The following MDN1 variants were observed in gnomAD, a reference collection of about 807,000 sequenced individuals.
MDN1 encodes the protein midasin AAA ATPase 1.
MDN1 carries 266 observed loss-of-function variants against 669.2 expected under a neutral mutation model. The ratio of observed to expected loss-of-function variants is 0.40; its 90% CI spans 0.36 to 0.44. The LOEUF is 0.44. Among genes scored for constraint, MDN1 ranks in the 20% least tolerant of loss-of-function variants. The probability of loss-of-function intolerance (pLI) is 1.00; values close to 1 mark genes in which losing one functional copy is unlikely to be tolerated. For synonymous variants in MDN1, 2,385 were observed against 2,457.1 expected, an observed-to-expected ratio of 0.97 and a Z score of 0.87; for missense variants, 5,940 against 6,754.0, an observed-to-expected ratio of 0.88 and a Z score of 4.22.
At chr6:89,763,349 A>AAC (rs1554194099) in intron 15 of MDN1, among the ~76,000 whole-genome samples, 11 of 139,308 alleles carry the variant, frequency 7.9e-5, no homozygotes, top group African/African-American at 1.1e-4. Flanking sequence ...AAAAAAAAAA[A>AAC]AAAAAAAATC....
chr6:89,665,573 G>C (rs907324911), intron 84 of MDN1, among the ~76,000 whole-genome samples: 1 of 151,492 alleles, frequency 6.6e-6, no homozygotes, highest in African/African-American at 2.4e-5. Flanking sequence ...CAGGCGTGGT[G>C]GTGGGGGCCT....
intron 46 of MDN1, among the ~76,000 whole-genome samples, 199 bp downstream of exon 46, chr6:89,714,344 A>C (rs1814180398): frequency 6.6e-6 from 1 of 152,204 alleles, no homozygotes; most frequent in South Asian, 2.1e-4. Context: ...AGCGTCTTTC[A>C]GATACTGATT....
Position 89,819,673 on chromosome 6 carries a change from G to A in MDN1, c.-66C>T, listed in dbSNP as rs1769128959. On this transcript the variant is annotated 5_prime_UTR_variant, in exon 1 of 102. Coordinates refer to ENST00000369393, the MANE Select transcript of MDN1 (RefSeq NM_014611.3). ...ACTTCGCGGCCAGCGTCCCCAAGCCGCCGAGGTCCCAGTGCCCGAGCAGCC... is the reference window on the plus strand; with the variant it reads ...ACTTCGCGGCCAGCGTCCCCAAGCCACCGAGGTCCCAGTGCCCGAGCAGCC... 11 of 1,378,920 alleles carry A rather than the reference G, an allele frequency of 8.0e-6. No homozygotes were observed. The South Asian group carries it at 8.1e-5, about 10-fold the overall frequency. 85.4% of individuals were successfully genotyped at this position (1,378,920 alleles called of 1,614,324 possible).
At chr6:89,769,533 G>GT (rs2128322262) in intron 15 of MDN1, among the ~76,000 whole-genome samples, 1 of 152,248 alleles carries the variant, frequency 6.6e-6, no homozygotes, top group Non-Finnish European at 1.5e-5. Flanking sequence ...GTCTTGCTTT[G>GT]TCATCCCAGC....
intron 19 of MDN1, among the ~76,000 whole-genome samples, chr6:89,757,678 A>C (rs762474275): frequency 6.6e-6 from 1 of 152,228 alleles, no homozygotes; most frequent in Non-Finnish European, 1.5e-5. Context: ...TGGGAGGTCG[A>C]GGCAGGCAGA....
At chr6:89,804,432 G>A (rs1397007020) in intron 1 of MDN1, among the ~76,000 whole-genome samples, 1 of 152,006 alleles carries the variant, frequency 6.6e-6, no homozygotes, top group Non-Finnish European at 1.5e-5. Flanking sequence ...ACTAATACCT[G>A]GATTCCATTT....
Position 89,743,603 on chromosome 6 carries a change from C to T in MDN1, c.4290G>A (p.Arg1430=). Residue 1430 remains arginine (R), a synonymous_variant, in exon 30 of 102, where the codon CGG becomes CGA. Coordinates refer to ENST00000369393, the MANE Select transcript of MDN1 (RefSeq NM_014611.3). ...TGTCGTTTGGCTTTTGTCTCACTGG[C>T]CGCAGGCCACCCAGGAAGTCTGATG... ...METSDFLGGL[R]PVRQKPNDKE... 6.2e-7 allele frequency: 1 copy of T among 1,614,004 alleles called. No individual in the cohort carries two copies. Among genetic ancestry groups the T allele is most frequent in the South Asian group, 1.1e-5 (1 of 91,042 alleles).
intron 66 of MDN1, 102 bp downstream of exon 66, chr6:89,688,471 A>G: frequency 2.0e-6 from 2 of 1,000,438 alleles, no homozygotes; most frequent in South Asian, 1.7e-5. Flanking sequence ...CTTTGTTTAT[A>G]TGTATATATG....
At position 89,644,200 on chromosome 6, in the gene MDN1, A is replaced by G. The variant is rs546520419; in HGVS notation, c.16603-7T>C. ...TAATGTCCAAGATAGAATCCTGTCA[A>G]CAAAAGACATTTTGAAATGGGGAGG... is the stretch of plus-strand genomic sequence containing the variant. On this transcript the variant is annotated splice_region_variant and splice_polypyrimidine_tract_variant and intron_variant, in intron 101 of 101. Coordinates refer to ENST00000369393, the MANE Select transcript of MDN1 (RefSeq NM_014611.3). 6 of 1,599,428 alleles carry G rather than the reference A, an allele frequency of 3.8e-6. No homozygotes were observed. The Admixed American group carries it at 1.0e-4, about 28-fold the overall frequency.
At chr6:89,652,431 C>A (rs768578846) in intron 94 of MDN1, 150 bp from the exon 95 acceptor site, 8 of 650,716 alleles carry the variant, frequency 1.2e-5, no homozygotes, top group Non-Finnish European at 1.9e-5. Flanking sequence ...TACAGTGGCA[C>A]AATGAGAAGA....
At chr6:89,692,053 G>GGTA (rs995646054) in intron 63 of MDN1, among the ~76,000 whole-genome samples, 29 of 152,210 alleles carry the variant, frequency 1.9e-4, no homozygotes, top group Admixed American at 6.5e-4. Flanking sequence ...AGCTTTAAGT[G>GGTA]GTAGGATCAT....
In MDN1 at chr6:89,690,853, G is replaced by GA. The variant is rs768435334; in HGVS notation, c.10588-20dup. ...TGATTTCCTGAAAGTCACACAGACA[G>GA]AAAGAAGCTGAGCTTTCTTTGCTGA... On this transcript the variant is annotated intron_variant, in intron 63 of 101. Coordinates refer to ENST00000369393, the MANE Select transcript of MDN1 (RefSeq NM_014611.3). 3.1e-6 allele frequency: 5 copies of GA among 1,611,248 alleles called. No homozygotes were observed. The South Asian group carries it at 4.4e-5, about 14-fold the overall frequency.
At position 89,723,122 on chromosome 6, in the gene MDN1, C is replaced by T; in HGVS notation, c.5800G>A (p.Glu1934Lys). 1 of 1,614,060 alleles carries T rather than the reference C, an allele frequency of 6.2e-7. No homozygotes were observed. The highest frequency in any genetic ancestry group is 8.5e-7 in the Non-Finnish European group (1 of 1,179,960). The change falls in exon 40 of 102, where the codon GAG (glutamate) becomes AAG (lysine). Residue 1934 changes from glutamate to lysine, a missense_variant. Glu to Lys is a moderately conservative substitution (Grantham distance 56). This residue lies in a region of MDN1 where 2,292 missense variants were observed against 2,638.3 expected (regional missense o/e 0.87). Transcript: ENST00000369393. ...CCTCCTTTTTGCCCCCATTTCTTCT[C>T]AACAGTCACTTCATGATCAATCTAG... ...NNQIDHEVTV[E>K]KKWGQKGGPW...
chr6:89,658,076 A>G (rs904840333), intron 90 of MDN1, 133 bp downstream of exon 90: 1 of 1,022,888 alleles, frequency 9.8e-7, no homozygotes, highest in African/African-American at 1.6e-5. Flanking sequence ...GTGGTCTGTT[A>G]GATGTCAACA....
intron 84 of MDN1, among the ~76,000 whole-genome samples, chr6:89,665,554 A>C (rs1351914241): frequency 2.0e-5 from 3 of 150,568 alleles, no homozygotes; most frequent in Non-Finnish European, 4.4e-5. Context: ...TACATATACA[A>C]AAATTAGCCA....
At chr6:89,706,618 G>A (rs1423830395) in intron 52 of MDN1, among the ~76,000 whole-genome samples, 3 of 151,954 alleles carry the variant, frequency 2.0e-5, no homozygotes, top group African/African-American at 7.2e-5. Context: ...TCCTGATTTT[G>A]GAGCATTTCA....
Position 89,692,969 on chromosome 6 carries a change from A to C in MDN1, c.10061T>G (p.Leu3354Arg). 6.2e-7 allele frequency: 1 copy of C among 1,614,096 alleles called. No homozygotes were observed. The highest frequency in any genetic ancestry group is 8.5e-7 in the Non-Finnish European group (1 of 1,180,006). Residue 3354 changes from leucine to arginine, a missense_variant, in exon 63 of 102, where the codon CTC becomes CGC. Leu to Arg is a moderately radical substitution (Grantham distance 102). Transcript: ENST00000369393. ...QDLLTRLLQALHIDGPRSAQV... is the reference protein window; with the variant it reads ...QDLLTRLLQARHIDGPRSAQV... ...GGCAGACCGTGGCCCATCTATGTGG[A>C]GGGCCTGCAGAAGCCGTGTGAGCAG...
At chr6:89,780,165 C>A in intron 11 of MDN1, 47 bp downstream of exon 11, 1 of 1,084,346 alleles carries the variant, frequency 9.2e-7, no homozygotes, top group Non-Finnish European at 1.3e-6. Context: ...CGGAAGTCAA[C>A]AGCCTTACAG....
At chr6:89,711,957 T>C in intron 49 of MDN1, 79 bp downstream of exon 49, 1 of 1,280,554 alleles carries the variant, frequency 7.8e-7, no homozygotes, top group Admixed American at 2.0e-5. Flanking sequence ...AGTCACAGAT[T>C]AACACAGCTG....
Sources: gnomAD v4.1 joint callset for allele counts (sites outside exome capture counted in the v4.1 genomes callset) on GRCh38, gnomAD v4.1.1 for gene constraint, gnomAD v4.1.1 regional missense constraint, MANE v1.5 for transcripts, NCBI Gene and HGNC (gene_info 2026-07-23, HGNC 2026-07-21) for gene names.